The following LARGE1 variants were observed in gnomAD, a reference collection of about 807,000 sequenced individuals.
LARGE1 encodes the protein xylosyl- and glucuronyltransferase LARGE1.
Under a neutral mutation model 87.6 loss-of-function variants are expected in LARGE1, and 43 were observed. The ratio of observed to expected loss-of-function variants is 0.49; its 90% CI spans 0.38 to 0.63. The LOEUF (loss-of-function observed/expected upper bound fraction) is 0.63, where lower values mean the gene tolerates loss of function less well. Ranked by LOEUF, LARGE1 falls within the 30% of genes least tolerant of loss-of-function variation. The probability of loss-of-function intolerance (pLI) is 0.00; values close to 1 mark genes in which losing one functional copy is unlikely to be tolerated. For missense variants in LARGE1, 802 were observed against 1,000.2 expected, an observed-to-expected ratio of 0.80 and a Z score of 2.67; for synonymous variants, 434 against 394.6, an observed-to-expected ratio of 1.10 and a Z score of -1.18.
chr22:33,653,910 A>T (rs1279421188), intron 2 of LARGE1, among the ~76,000 whole-genome samples: 1 of 152,164 alleles, frequency 6.6e-6, no homozygotes, highest in African/African-American at 2.4e-5. Flanking sequence ...TTAATCCGTA[A>T]GAACATGGAG....
chr22:33,089,753 T>A, the LARGE1 span, among the ~76,000 whole-genome samples: 1 of 117,718 alleles, frequency 8.5e-6, no homozygotes, highest in African/African-American at 3.7e-5. Flanking sequence ...TGCCTTGGTC[T>A]CCCAAATGCT....
At chr22:33,905,584 T>C (rs1237806157) in intron 1 of LARGE1, among the ~76,000 whole-genome samples, 1 of 152,234 alleles carries the variant, frequency 6.6e-6, no homozygotes, top group Non-Finnish European at 1.5e-5. Context: ...CAAGTTATTT[T>C]TTAAGAACTG....
intron 6 of LARGE1, among the ~76,000 whole-genome samples, chr22:33,483,468 G>C (rs2069421066): frequency 6.6e-6 from 1 of 152,170 alleles, no homozygotes; most frequent in Non-Finnish European, 1.5e-5. Context: ...AGAGGACTGA[G>C]AGGGTGATGG....
chr22:33,579,035 T>C (rs2078434759), intron 5 of LARGE1, among the ~76,000 whole-genome samples: 1 of 152,194 alleles, frequency 6.6e-6, no homozygotes, highest in South Asian at 2.1e-4. Context: ...CTTGGAAACA[T>C]ATGTCCAGAC....
At chr22:33,607,167 T>C (rs1056488523) in intron 4 of LARGE1, among the ~76,000 whole-genome samples, 2 of 152,056 alleles carry the variant, frequency 1.3e-5, no homozygotes, top group Non-Finnish European at 2.9e-5. Flanking sequence ...GAGAATCCGA[T>C]TAAGACAGTG....
At chr22:33,669,348 GTTA>G (rs996362003) in intron 2 of LARGE1, among the ~76,000 whole-genome samples, 14 of 152,170 alleles carry the variant, frequency 9.2e-5, no homozygotes, top group Non-Finnish European at 1.6e-4. Flanking sequence ...TACTATTACT[GTTA>G]TTATTGGCCA....
chr22:33,803,460 G>C (rs1569452900), intron 1 of LARGE1, among the ~76,000 whole-genome samples: 1 of 152,172 alleles, frequency 6.6e-6, no homozygotes, highest in Non-Finnish European at 1.5e-5. Flanking sequence ...AAGATGATAT[G>C]ACTGGCTGTT....
chr22:33,235,943 TG>T (rs1926228959), intron 11 of LARGE1, among the ~76,000 whole-genome samples: 1 of 152,084 alleles, frequency 6.6e-6, no homozygotes, highest in Admixed American at 6.6e-5. Context: ...TGGATTAGAG[TG>T]GGGCCTAAAT....
chr22:33,914,042 T>C (rs2065713976), intron 1 of LARGE1, among the ~76,000 whole-genome samples: 1 of 152,202 alleles, frequency 6.6e-6, no homozygotes, highest in African/African-American at 2.4e-5. Context: ...AGATCACATT[T>C]TATATGCCCA....
chr22:33,699,893 C>T (rs936473511), intron 2 of LARGE1, among the ~76,000 whole-genome samples: 11 of 152,122 alleles, frequency 7.2e-5, no homozygotes, highest in Non-Finnish European at 1.2e-4. Context: ...ACTCTTGATC[C>T]CAGTCACTTC....
At chr22:33,229,541 C>T (rs544182014) in intron 11 of LARGE1, among the ~76,000 whole-genome samples, 51 of 151,318 alleles carry the variant, frequency 3.4e-4, no homozygotes, top group Non-Finnish European at 1.8e-4. Flanking sequence ...TAGATACAGC[C>T]GAAAAGAGAC....
At chr22:33,629,853 A>G (rs2080047337) in intron 3 of LARGE1, among the ~76,000 whole-genome samples, 3 of 152,108 alleles carry the variant, frequency 2.0e-5, no homozygotes, top group Non-Finnish European at 4.4e-5. Flanking sequence ...GGATCATCTA[A>G]GGTCAAGAGT....
At chr22:33,772,332 CA>C (rs56766354) in intron 1 of LARGE1, among the ~76,000 whole-genome samples, 6 of 147,968 alleles carry the variant, frequency 4.1e-5, no homozygotes, top group Admixed American at 6.8e-5. Context: ...GACTCTGCCT[CA>C]AAAAAAAAAG....
chr22:33,921,014 G>A (rs1489374346), upstream of LARGE1, among the ~76,000 whole-genome samples: 1 of 150,186 alleles, frequency 6.7e-6, no homozygotes, highest in Non-Finnish European at 1.5e-5. This position sits in a 1 kb window ranked among gnomAD's most constrained non-coding sequence, Gnocchi z 4.1. Context: ...GTGACTGTGT[G>A]TCTGTGTCAT....
At chr22:33,392,406 C>T (rs1455484776) in intron 7 of LARGE1, among the ~76,000 whole-genome samples, 2 of 152,096 alleles carry the variant, frequency 1.3e-5, no homozygotes, top group Non-Finnish European at 2.9e-5. Flanking sequence ...CGCCTGTGAT[C>T]CCAGCACTTT....
chr22:33,365,179 G>A (rs746736567), intron 9 of LARGE1, among the ~76,000 whole-genome samples: 1 of 151,946 alleles, frequency 6.6e-6, no homozygotes. Context: ...GTTGTAATTC[G>A]CTCACTGATG....
intron 6 of LARGE1, among the ~76,000 whole-genome samples, chr22:33,532,145 C>A (rs1270300508): frequency 6.6e-6 from 1 of 152,214 alleles, no homozygotes; most frequent in Non-Finnish European, 1.5e-5. Flanking sequence ...AAATCTATCC[C>A]TTATTTCATT....
At chr22:33,891,089 T>A (rs16993252) in intron 1 of LARGE1, among the ~76,000 whole-genome samples, 15,770 of 151,624 alleles carry the variant, frequency 0.1, 2,537 homozygotes, top group African/African-American at 0.35. Flanking sequence ...AACTCTCGTC[T>A]CCTCAACAGG....
intron 6 of LARGE1, among the ~76,000 whole-genome samples, chr22:33,513,017 A>T (rs1204968535): frequency 1.3e-5 from 2 of 151,946 alleles, no homozygotes; most frequent in Non-Finnish European, 2.9e-5. Context: ...ATGCAAAAGG[A>T]GGTGCCTAAT....
Sources: gnomAD v4.1 joint callset for allele counts (sites outside exome capture counted in the v4.1 genomes callset) on GRCh38, gnomAD v4.1.1 for gene constraint, Gnocchi (gnomAD v3.1) non-coding constraint, MANE v1.5 for transcripts, NCBI Gene and HGNC (gene_info 2026-07-23, HGNC 2026-07-21) for gene names.